MERTK: variants seen among roughly 807,000 people sequenced by gnomAD.
MERTK encodes tyrosine-protein kinase Mer.
In MERTK, 69 loss-of-function variants were observed where a neutral mutation model predicts 99.3. The observed-to-expected ratio is 0.70, with a 90% CI of 0.57 to 0.85. The LOEUF is 0.85. MERTK is among the 40% of genes least tolerant of loss of function. MERTK has a pLI of 0.00. For synonymous variants in MERTK, 426 were observed against 467.6 expected (o/e 0.91, Z 1.15); for missense variants, 1,125 against 1,249.4 (o/e 0.90, Z 1.50).
chr2:112,025,992 C>G (rs766897223), intron 18 of MERTK, among the ~76,000 whole-genome samples: 5 of 152,172 alleles, frequency 3.3e-5, no homozygotes, highest in Admixed American at 2.0e-4. Flanking sequence ...CCTATATGAT[C>G]ACATCTTTTA....
intron 4 of MERTK, among the ~76,000 whole-genome samples, chr2:111,953,567 C>G (rs1434785023): frequency 2.0e-5 from 3 of 149,350 alleles, no homozygotes; most frequent in Non-Finnish European, 4.5e-5. Flanking sequence ...AAGATCTGTA[C>G]ATTGTTCTCT....
intron 2 of MERTK, among the ~76,000 whole-genome samples, chr2:111,938,498 G>A (rs1409638068): frequency 6.6e-6 from 1 of 152,160 alleles, no homozygotes; most frequent in African/African-American, 2.4e-5. Context: ...TTCTGAGCAG[G>A]CTAGACTGGT....
At chr2:111,920,500 A>G (rs1684435323) in intron 1 of MERTK, among the ~76,000 whole-genome samples, 1 of 151,872 alleles carries the variant, frequency 6.6e-6, no homozygotes, top group South Asian at 2.1e-4. Context: ...AGTGAAGTTA[A>G]TAATTACCAT....
chr2:111,899,760 C>T (rs184338219), intron 1 of MERTK, among the ~76,000 whole-genome samples: 1 of 152,256 alleles, frequency 6.6e-6, no homozygotes, highest in East Asian at 1.9e-4. Context: ...TCGTGATCTG[C>T]TCTCCTTGGC....
At chr2:111,902,195 T>C (rs1048623498) in intron 1 of MERTK, among the ~76,000 whole-genome samples, 1 of 152,226 alleles carries the variant, frequency 6.6e-6, no homozygotes, top group African/African-American at 2.4e-5. Flanking sequence ...AATAATTATA[T>C]TTTTAAATCT....
chr2:111,914,101 C>CTTTTTTTTTT (rs765850254), intron 1 of MERTK, among the ~76,000 whole-genome samples: 35 of 94,440 alleles, frequency 3.7e-4, no homozygotes, highest in African/African-American at 6.7e-4. Context: ...TTCTTTCTTT[C>CTTTTTTTTTT]TTTTTTTTTT....
chr2:111,960,396 G>A (rs758964415), intron 4 of MERTK, among the ~76,000 whole-genome samples: 2 of 150,044 alleles, frequency 1.3e-5, no homozygotes, highest in African/African-American at 4.9e-5. Context: ...CAGGAGAATC[G>A]CTTGAACCTG....
rs1180321124 is a variant in MERTK, at chr2:111,997,385, A to G, written c.1513A>G (p.Ile505Val). The G allele has an allele frequency of 1.9e-6, 3 of 1,614,030 alleles. No homozygotes were observed. Among genetic ancestry groups the G allele is most frequent in the Non-Finnish European group, 1.7e-6 (2 of 1,180,022 alleles). ...APGNADPVLI[I>V]FGCFCGFILI... is the part of the protein sequence containing the mutation. ...TGGCAACGCAGATCCTGTGCTCATC[A>G]TCTTTGGCTGCTTTTGTGGATTTAT... Residue 505 changes from isoleucine (I) to valine (V), a missense_variant, in exon 10 of 19, where the codon ATC (isoleucine) becomes GTC (valine). Ile to Val is a conservative substitution (Grantham distance 29, BLOSUM62 3). Transcript: ENST00000295408.
At chr2:111,916,522 T>C (rs1293602678) in intron 1 of MERTK, among the ~76,000 whole-genome samples, 1 of 152,168 alleles carries the variant, frequency 6.6e-6, no homozygotes, top group Non-Finnish European at 1.5e-5. Context: ...TTTTTGGTTA[T>C]TGTATTTTTT....
chr2:112,003,791 C>T (rs1042473127), intron 12 of MERTK, 113 bp from the exon 13 acceptor site: 13 of 959,420 alleles, frequency 1.4e-5, no homozygotes, highest in South Asian at 2.6e-5. Flanking sequence ...CCTGGCTGCC[C>T]GTGGGTGAGT....
rs1378248744 is a variant in MERTK at position 112,017,086 on chromosome 2, T to G, written c.2080-2327T>G. Among the ~76,000 whole-genome samples, 4 of 152,232 alleles carry G rather than the reference T, an allele frequency of 2.6e-5. No individual in the cohort carries two copies. In the East Asian group the frequency reaches 7.7e-4, roughly 29 times the overall value. On this transcript the variant is annotated intron_variant, in intron 15 of 18. Coordinates refer to ENST00000295408, the MANE Select transcript of MERTK (RefSeq NM_006343.3). ...ACTCAAGCGGGTTGCCACTGCTGGC[T>G]GGGGGTGGCCAGCTTTTATTCCCTT...
intron 15 of MERTK, among the ~76,000 whole-genome samples, chr2:112,018,598 A>G (rs1462114987): frequency 6.6e-6 from 1 of 152,108 alleles, no homozygotes; most frequent in Non-Finnish European, 1.5e-5. Flanking sequence ...GAGGGTACAT[A>G]ATGGATGGAC....
chr2:111,979,608 C>T (rs10199616), intron 7 of MERTK, among the ~76,000 whole-genome samples: 93,966 of 151,792 alleles, frequency 0.62, 29,463 homozygotes, highest in Middle Eastern at 0.69. Context: ...TAGACCTCTT[C>T]GATTGCTTCC....
At chr2:111,960,709 T>C (rs1200401485) in intron 4 of MERTK, among the ~76,000 whole-genome samples, 1 of 151,966 alleles carries the variant, frequency 6.6e-6, no homozygotes, top group Non-Finnish European at 1.5e-5. Context: ...AACTTTCAAA[T>C]GTGTACCATT....
intron 8 of MERTK, among the ~76,000 whole-genome samples, chr2:111,989,590 C>T (rs1676567651): frequency 6.6e-6 from 1 of 152,194 alleles, no homozygotes; most frequent in Non-Finnish European, 1.5e-5. Context: ...CTCCTGACCT[C>T]GTGATCCACC....
intron 2 of MERTK, among the ~76,000 whole-genome samples, chr2:111,939,706 G>A (rs114130963): frequency 0.01 from 834 of 82,384 alleles, 11 homozygotes; most frequent in African/African-American, 0.039. Flanking sequence ...TTCTCGTTAT[G>A]TTGCCCAGGC....
At chr2:111,907,528 G>A (rs748392038) in intron 1 of MERTK, among the ~76,000 whole-genome samples, 2 of 152,226 alleles carry the variant, frequency 1.3e-5, no homozygotes, top group Non-Finnish European at 2.9e-5. Context: ...CAATAGAATA[G>A]TCTGGAAACA....
chr2:112,022,246 C>CT lies in MERTK; in HGVS notation c.2350-9dup. 1 of 1,614,200 alleles carries CT rather than the reference C, an allele frequency of 6.2e-7. No individual in the cohort carries two copies. Among genetic ancestry groups the CT allele is most frequent in the Non-Finnish European group, 8.5e-7 (1 of 1,180,036 alleles). On this transcript the variant is annotated splice_polypyrimidine_tract_variant and intron_variant, in intron 17 of 18. Transcript: ENST00000295408. ...AGGCTTGCATCCTAACTTGTTGTTGCTTTGTTCCCAGTGGGCATTTGGCGT... is the reference window on the plus strand; with the variant it reads ...AGGCTTGCATCCTAACTTGTTGTTGCTTTTGTTCCCAGTGGGCATTTGGCGT...
At chr2:112,011,750 G>GA (rs371024330) in intron 15 of MERTK, among the ~76,000 whole-genome samples, 31 of 151,968 alleles carry the variant, frequency 2.0e-4, no homozygotes, top group Non-Finnish European at 4.0e-4. Flanking sequence ...GACTCCATCT[G>GA]AAAAAAATAA....
Sources: gnomAD v4.1 joint callset for allele counts (sites outside exome capture counted in the v4.1 genomes callset) on GRCh38, gnomAD v4.1.1 for gene constraint, MANE v1.5 for transcripts, NCBI Gene and HGNC (gene_info 2026-07-23, HGNC 2026-07-21) for gene names.